WDR19: variants seen among roughly 807,000 people sequenced by gnomAD.
The protein encoded by WDR19 is WD repeat domain 19.
A neutral mutation model predicts 180.0 loss-of-function variants in WDR19; 121 were observed. The ratio of observed to expected loss-of-function variants is 0.67; its 90% CI spans 0.58 to 0.78. WDR19 has a LOEUF of 0.78. Among genes scored for constraint, WDR19 ranks in the 30% least tolerant of loss-of-function variants. WDR19 has a pLI of 0.00. For missense variants in WDR19, 1,450 were observed against 1,640.7 expected (o/e 0.88, Z 2.01); for synonymous variants, 497 against 540.7 (o/e 0.92, Z 1.12).
In WDR19 at chr4:39,224,973, C is replaced by T; in HGVS notation, c.1569C>T (p.Asp523=). 6.3e-7 allele frequency: 1 copy of T among 1,577,250 alleles called. No individual in the cohort carries two copies. The highest frequency in any genetic ancestry group is 8.6e-7 in the Non-Finnish European group (1 of 1,160,502). The part of the protein sequence containing the change: ...HPVSVKKIFP[D]PNGTRLVFID... ...TCAGTGTGAAAAAGATTTTTCCCGACCCAAATGGGACCAGATTAGTTTTCA... is the reference window on the plus strand; with the variant it reads ...TCAGTGTGAAAAAGATTTTTCCCGATCCAAATGGGACCAGATTAGTTTTCA... The change falls in exon 15 of 37, where the codon GAC becomes GAT. Residue 523 remains aspartate (D), a synonymous_variant. Transcript: ENST00000399820.
chr4:39,256,022 A>G lies in WDR19; in HGVS notation c.3114+62A>G, dbSNP rs16995195. On this transcript the variant is annotated intron_variant, in intron 27 of 36. Transcript: ENST00000399820. ...AGGAATAATTGTAGGAAATATACGT[A>G]AATGCCAGGAATAATTGTAGGAAAT... 21,298 of 1,181,698 alleles carry G rather than the reference A, an allele frequency of 0.018. 2,833 individuals carry two copies. In the African/African-American group the frequency reaches 0.29, roughly 16 times the overall value. 73.2% of individuals were successfully genotyped at this position (1,181,698 alleles called of 1,614,324 possible).
chr4:39,213,582 CAGAA>C (rs910302066), intron 9 of WDR19, among the ~76,000 whole-genome samples: 8 of 152,062 alleles, frequency 5.3e-5, no homozygotes, highest in Non-Finnish European at 8.8e-5. Context: ...GAGCTGGGGT[CAGAA>C]GGAAGGAGGT....
intron 32 of WDR19, 42 bp downstream of exon 32, chr4:39,273,103 C>A: frequency 1.4e-6 from 2 of 1,472,320 alleles, no homozygotes; most frequent in Non-Finnish European, 9.2e-7. Context: ...GCCCCATGCC[C>A]CATGCCGCAT....
Position 39,189,669 on chromosome 4 carries a change from A to C in WDR19, c.178A>C (p.Met60Leu). 6.3e-7 allele frequency: 1 copy of C among 1,599,328 alleles called. No homozygotes were observed. Among genetic ancestry groups the C allele is most frequent in the Non-Finnish European group, 8.5e-7 (1 of 1,174,380 alleles). Residue 60 changes from methionine to leucine, a missense_variant, in exon 4 of 37, where the codon ATG becomes CTG. Physicochemically the swap from Met to Leu is conservative, Grantham distance 15 (BLOSUM62 2). Transcript: ENST00000399820. ...CTTTTTTAAAAGTAACTGTGTTGCC[A>C]TGGATTGGGATAAAGATGGAGATGT... ...EINLPGNCVA[M>L]DWDKDGDVLA...
chr4:39,205,315 A>T, intron 8 of WDR19, 49 bp downstream of exon 8: 6 of 1,426,536 alleles, frequency 4.2e-6, no homozygotes, highest in African/African-American at 1.4e-5. Flanking sequence ...ACAGAAGGAC[A>T]TCTGTAGGTT....
chr4:39,185,767 A>G lies in WDR19; in HGVS notation c.48A>G (p.Pro16=), dbSNP rs1481968596. The G allele has an allele frequency of 1.9e-6, 3 of 1,559,778 alleles. No individual in the cohort carries two copies. The highest frequency in any genetic ancestry group is 2.6e-6 in the Non-Finnish European group (3 of 1,150,854). ...SLLEKTWLGA[P]IQFAWQKTSG... Reference sequence around the variant, plus strand: ...TAGAAAAGACTTGGCTTGGCGCACCAATACAGTTTGCCTGGCAAAAAACAT... The same window carrying G: ...TAGAAAAGACTTGGCTTGGCGCACCGATACAGTTTGCCTGGCAAAAAACAT... Residue 16 remains proline (P), a synonymous_variant, in exon 2 of 37, where the codon CCA becomes CCG. Coordinates refer to ENST00000399820, the MANE Select transcript of WDR19 (RefSeq NM_025132.4).
chr4:39,251,124 G>A (rs1231944622), intron 24 of WDR19, among the ~76,000 whole-genome samples: 1 of 152,166 alleles, frequency 6.6e-6, no homozygotes, highest in African/African-American at 2.4e-5. Flanking sequence ...CAAGGCTACA[G>A]TAACCAAAAC....
At chr4:39,185,701 A>T (rs1180072062) in intron 1 of WDR19, 25 bp from the exon 2 acceptor site, 1 of 1,545,586 alleles carries the variant, frequency 6.5e-7, no homozygotes, top group Non-Finnish European at 8.8e-7. Context: ...TTTTGAAAAT[A>T]TTAAAAATTG....
chr4:39,217,540 G>T (rs1237756774), intron 13 of WDR19, among the ~76,000 whole-genome samples: 1 of 152,104 alleles, frequency 6.6e-6, no homozygotes, highest in South Asian at 2.1e-4. Flanking sequence ...AACTATACAT[G>T]AACTATAAAA....
chr4:39,270,728 A>C (rs905168975), intron 31 of WDR19, among the ~76,000 whole-genome samples: 1 of 152,190 alleles, frequency 6.6e-6, no homozygotes, highest in Non-Finnish European at 1.5e-5. Context: ...CCTGTGCCAG[A>C]AAAATAGATT....
At chr4:39,200,316 C>T (rs1387254042) in intron 6 of WDR19, among the ~76,000 whole-genome samples, 4 of 152,150 alleles carry the variant, frequency 2.6e-5, no homozygotes, top group African/African-American at 9.7e-5. Context: ...AATGTAGAAG[C>T]TTAAAACAAC....
At chr4:39,227,336 C>A (rs1730380827) in intron 15 of WDR19, among the ~76,000 whole-genome samples, 1 of 152,126 alleles carries the variant, frequency 6.6e-6, no homozygotes, top group Non-Finnish European at 1.5e-5. Flanking sequence ...TGCCTGAGTT[C>A]ACAGGACTTA....
chr4:39,191,045 G>A (rs1447217678), intron 4 of WDR19, among the ~76,000 whole-genome samples: 1 of 152,086 alleles, frequency 6.6e-6, no homozygotes, highest in Non-Finnish European at 1.5e-5. Context: ...CATCATCTCA[G>A]GATTGTTGTG....
chr4:39,228,096 T>C, intron 15 of WDR19, 114 bp from the exon 16 acceptor site: 1 of 1,125,276 alleles, frequency 8.9e-7, no homozygotes, highest in Non-Finnish European at 1.3e-6. Context: ...TGATGTTAGG[T>C]TGAATATGAC....
chr4:39,270,202 A>G (rs1735216356), intron 31 of WDR19, 102 bp downstream of exon 31: 6 of 1,456,484 alleles, frequency 4.1e-6, no homozygotes, highest in Non-Finnish European at 5.6e-6. Flanking sequence ...GATTGTCTAG[A>G]TGTCTGTATT....
intron 33 of WDR19, 96 bp downstream of exon 33, chr4:39,275,054 G>T: frequency 6.8e-7 from 1 of 1,476,474 alleles, no homozygotes; most frequent in Non-Finnish European, 9.2e-7. Context: ...AGAAAACGGT[G>T]GGGGGCCAGG....
At position 39,281,236 on chromosome 4, in the gene WDR19, T is replaced by TATAGAG. The variant is rs762298152; in HGVS notation, c.*13+2574_*13+2575insTAGAGA. 5.3e-3 allele frequency among the ~76,000 whole-genome samples: 547 copies of TATAGAG among 103,986 alleles called. 3 individuals are homozygous for TATAGAG. Among genetic ancestry groups the TATAGAG allele is most frequent in the African/African-American group, 7.6e-3 (147 of 19,342 alleles). 68.2% of individuals were successfully genotyped at this position (103,986 alleles called of 152,430 possible). A position where few individuals can be genotyped will look rare whatever the true frequency, so the allele number is the denominator to read the frequency against. On this transcript the variant is annotated intron_variant, in intron 36 of 36. Transcript: ENST00000399820. ...GTGTGTATATATATATATATATATA[T>TATAGAG]AGAGAGAGAGAGAGAGAGAGAGAGA...
intron 24 of WDR19, among the ~76,000 whole-genome samples, chr4:39,247,468 G>A (rs1334541642): frequency 4.6e-5 from 7 of 152,276 alleles, no homozygotes; most frequent in African/African-American, 7.2e-5. Flanking sequence ...CCAAAGGAAC[G>A]CAGCTCCTCA....
Position 39,228,342 on chromosome 4 carries a change from A to G in WDR19, c.1762A>G (p.Lys588Glu), listed in dbSNP as rs1469699848. The G allele has an allele frequency of 1.2e-6, 2 of 1,610,878 alleles. No homozygotes were observed. Among genetic ancestry groups the G allele is most frequent in the African/African-American group, 2.7e-5 (2 of 75,022 alleles). The change falls in exon 16 of 37, where the codon AAG becomes GAG. Residue 588 changes from lysine (K) to glutamate (E), a missense_variant. Transcript: ENST00000399820. ...TAAGGTGTACACTTATGTCTTTCACAAGGACACTATACAAGGTACTAAACC... is the reference window on the plus strand; with the variant it reads ...TAAGGTGTACACTTATGTCTTTCACGAGGACACTATACAAGGTACTAAACC... ...DDKVYTYVFHKDTIQGAKVIL... is the reference protein window; with the variant it reads ...DDKVYTYVFHEDTIQGAKVIL...
Sources: allele counts gnomAD v4.1 joint callset (sites outside exome capture counted in the v4.1 genomes callset), GRCh38; gene constraint gnomAD v4.1.1; transcripts MANE v1.5; gene names NCBI Gene and HGNC (gene_info 2026-07-23, HGNC 2026-07-21).